The following RPE65 variants were observed in gnomAD, a reference collection of about 807,000 sequenced individuals.
RPE65 encodes retinoid isomerohydrolase.
Under a neutral mutation model 68.5 loss-of-function variants are expected in RPE65, and 58 were observed. That is an observed-to-expected ratio of 0.85 (90% confidence interval 0.69 to 1.05). RPE65 has a LOEUF of 1.05. Among genes scored for constraint, RPE65 ranks in the 50% least tolerant of loss-of-function variants. The pLI is 0.00. For synonymous variants in RPE65, 220 were observed against 222.2 expected, an observed-to-expected ratio of 0.99 and a Z score of 0.09; for missense variants, 643 against 629.9, an observed-to-expected ratio of 1.02 and a Z score of -0.22.
chr1:68,439,176 A>C lies in RPE65; in HGVS notation c.858+15T>G, dbSNP rs775474532. 6.2e-7 allele frequency: 1 copy of C among 1,614,116 alleles called. No homozygotes were observed. Among genetic ancestry groups the C allele is most frequent in the Non-Finnish European group, 8.5e-7 (1 of 1,180,008 alleles). On this transcript the variant is annotated intron_variant, in intron 8 of 13. Coordinates refer to ENST00000262340, the MANE Select transcript of RPE65 (RefSeq NM_000329.3). The stretch of plus-strand genomic sequence containing the variant: ...CTTCAGAATCACAAACTTGACAAAT[A>C]TATCTAAGACTTACCCCCATGGTTT...
Position 68,446,854 on chromosome 1 carries a change from A to G in RPE65, c.101T>C (p.Ile34Thr), listed in dbSNP as rs748456353. The G allele has an allele frequency of 4.3e-6, 7 of 1,613,350 alleles. No homozygotes were observed. In the Admixed American group the frequency reaches 1.0e-4, roughly 23 times the overall value. The stretch of plus-strand genomic sequence containing the variant: ...GAGACTGCCGGTGAGCCAGAGGGGG[A>G]TCCTGCCTGTGATGAAGGGGAGACA... ...SPLTAHVTGRIPLWLTGSLLR... is the reference protein window; with the variant it reads ...SPLTAHVTGRTPLWLTGSLLR... The change falls in exon 3 of 14, where the codon ATC becomes ACC. Residue 34 changes from isoleucine (I) to threonine (T), a missense_variant. Physicochemically the swap from Ile to Thr is moderately conservative, Grantham distance 89. Transcript: ENST00000262340.
At chr1:68,430,134 A>G (rs1645815741) in intron 13 of RPE65, among the ~76,000 whole-genome samples, 1 of 152,186 alleles carries the variant, frequency 6.6e-6, no homozygotes, top group East Asian at 1.9e-4. Context: ...CTACACTGTA[A>G]GCTCTAAGAA....
intron 3 of RPE65, among the ~76,000 whole-genome samples, 183 bp downstream of exon 3, chr1:68,446,527 T>G (rs1333314493): frequency 6.6e-6 from 1 of 152,200 alleles, no homozygotes; most frequent in Non-Finnish European, 1.5e-5. Context: ...AGGCTTTAGC[T>G]TCTCCTTTAT....
chr1:68,447,643 C>T (rs1645951948), intron 2 of RPE65, among the ~76,000 whole-genome samples: 1 of 152,066 alleles, frequency 6.6e-6, no homozygotes, highest in Non-Finnish European at 1.5e-5. Context: ...GGGCGGATCA[C>T]GAGGTCAGGA....
chr1:68,434,115 TACAC>T (rs1226973278), intron 10 of RPE65, among the ~76,000 whole-genome samples: 57 of 99,514 alleles, frequency 5.7e-4, no homozygotes, highest in East Asian at 2.0e-3. Flanking sequence ...TATATATATA[TACAC>T]ACACACACAC....
chr1:68,443,158 T>C (rs1645915373), intron 5 of RPE65, among the ~76,000 whole-genome samples: 1 of 152,336 alleles, frequency 6.6e-6, no homozygotes, highest in Middle Eastern at 3.4e-3. Context: ...TCCAAATGTA[T>C]AGCCAATTAT....
intron 10 of RPE65, among the ~76,000 whole-genome samples, chr1:68,433,768 G>A (rs1645842157): frequency 6.6e-6 from 1 of 152,062 alleles, no homozygotes; most frequent in Admixed American, 6.6e-5. Context: ...GCATGGAGGG[G>A]GTGGAGAGCT....
chr1:68,431,350 G>C lies in RPE65; in HGVS notation c.1270C>G (p.Gln424Glu). The C allele has an allele frequency of 6.2e-7, 1 of 1,613,892 alleles. No homozygotes were observed. Among genetic ancestry groups the C allele is most frequent in the Non-Finnish European group, 8.5e-7 (1 of 1,179,920 alleles). ...GTGTAAGGTTTCCCACAATACTTCT[G>C]GTAATTGATTTGAGGAAACTCAAAT... ...QAFEFPQINY[Q>E]KYCGKPYTYA... Residue 424 changes from glutamine (Q) to glutamate (E), a missense_variant, in exon 12 of 14, where the codon CAG becomes GAG. Coordinates refer to ENST00000262340, the MANE Select transcript of RPE65 (RefSeq NM_000329.3).
rs185585417 is a variant in RPE65 at position 68,435,453 on chromosome 1, T to C, written c.1128+2734A>G. On this transcript the variant is annotated intron_variant, in intron 10 of 13. Transcript: ENST00000262340. ...CAATACCATTAATTATGGGCTTTTC[T>C]TTTGTGTAAAAACCTTCACTGTCTT... Among the ~76,000 whole-genome samples the C allele has an allele frequency of 2.0e-5, 3 of 152,336 alleles. No individual in the cohort carries two copies. The East Asian group carries it at 5.8e-4, about 29-fold the overall frequency.
chr1:68,433,878 A>C (rs1173735092), intron 10 of RPE65, among the ~76,000 whole-genome samples: 1 of 151,998 alleles, frequency 6.6e-6, no homozygotes, highest in Non-Finnish European at 1.5e-5. Context: ...GTAATTATTG[A>C]CTGTAAAGCT....
chr1:68,432,175 T>C (rs1298383914), intron 10 of RPE65, among the ~76,000 whole-genome samples: 1 of 152,074 alleles, frequency 6.6e-6, no homozygotes, highest in African/African-American at 2.4e-5. Context: ...ACATATCTAC[T>C]TATTAATAAT....
At position 68,429,920 on chromosome 1, in the gene RPE65, A is replaced by T. The variant is rs2100805312; in HGVS notation, c.1458T>A (p.Val486=). ...CTCCTGGGCTCACCACCACACTCAG[A>T]ACTACACCTGTTTATCAGAAGTAAA... is the stretch of plus-strand genomic sequence containing the variant. ...PDALEEDDGV[V]LSVVVSPGAG... is the part of the protein sequence containing the mutation. Residue 486 remains valine, a synonymous_variant, in exon 14 of 14, where the codon GTT becomes GTA. Transcript: ENST00000262340. The T allele has an allele frequency of 1.9e-6, 3 of 1,613,754 alleles. No homozygotes were observed. Among genetic ancestry groups the T allele is most frequent in the Non-Finnish European group, 2.5e-6 (3 of 1,179,726 alleles).
chr1:68,436,757 T>G (rs143783952), intron 10 of RPE65, among the ~76,000 whole-genome samples: 3,428 of 152,174 alleles, frequency 0.023, 128 homozygotes, highest in African/African-American at 0.079. Context: ...TGTGAGCCAC[T>G]GCGCCTGGCC....
chr1:68,431,331 G>T lies in RPE65; in HGVS notation c.1289C>A (p.Pro430His), dbSNP rs773589920. The T allele has an allele frequency of 5.0e-6, 8 of 1,613,878 alleles. 1 individual carries two copies. The East Asian group carries it at 1.8e-4, about 36-fold the overall frequency. ...QINYQKYCGK[P>H]YTYAYGLGLN... ...GCCAAGTCCATACGCATATGTGTAA[G>T]GTTTCCCACAATACTTCTGGTAATT... Residue 430 changes from proline to histidine, a missense_variant, in exon 12 of 14, where the codon CCT becomes CAT. Coordinates refer to ENST00000262340, the MANE Select transcript of RPE65 (RefSeq NM_000329.3).
chr1:68,445,754 G>C (rs558268623), intron 3 of RPE65, among the ~76,000 whole-genome samples: 1 of 152,162 alleles, frequency 6.6e-6, no homozygotes, highest in African/African-American at 2.4e-5. Context: ...GACCTCAAGT[G>C]ATCTGGCCGC....
rs538470557 is a variant in RPE65, at chr1:68,429,471, A to G, written c.*305T>C. ...ATAGGTACCTAAAATATGCTCTTAT[A>G]ATAGGAATTAAAAGCCATTTAGTAA... On this transcript the variant is annotated 3_prime_UTR_variant, in exon 14 of 14. Coordinates refer to ENST00000262340, the MANE Select transcript of RPE65 (RefSeq NM_000329.3). 85 of 364,668 alleles carry G rather than the reference A, an allele frequency of 2.3e-4. 2 individuals are homozygous for G. The highest frequency in any genetic ancestry group is 2.1e-3 in the South Asian group (83 of 39,436). 22.6% of individuals were successfully genotyped at this position (364,668 alleles called of 1,614,324 possible).
rs116387471 is a variant in RPE65 at position 68,445,480 on chromosome 1, C to A, written c.246-597G>T. ...TGCCCAGGATTTCTGATATGGAGAG[C>A]CAGTTAAAATCTGATTTTGTACTTT... On this transcript the variant is annotated intron_variant, in intron 3 of 13. Transcript: ENST00000262340. Among the ~76,000 whole-genome samples, 688 of 152,002 alleles carry A rather than the reference C, an allele frequency of 4.5e-3. 5 individuals are homozygous for A. The highest frequency in any genetic ancestry group is 0.016 in the African/African-American group (660 of 41,442).
rs61751282 is a variant in RPE65 at position 68,446,824 on chromosome 1, C to T, written c.131G>A (p.Arg44Gln). 1.4e-5 allele frequency: 23 copies of T among 1,613,952 alleles called. No homozygotes were observed. In the South Asian group the frequency reaches 1.4e-4, roughly 10 times the overall value. The change falls in exon 3 of 14, where the codon CGA becomes CAA. Residue 44 changes from arginine (R) to glutamine (Q), a missense_variant. Physicochemically the swap from Arg to Gln is conservative, Grantham distance 43. Coordinates refer to ENST00000262340, the MANE Select transcript of RPE65 (RefSeq NM_000329.3). ...IPLWLTGSLL[R>Q]CGPGLFEVGS... ...AACTTCAAAGAGTCCTGGCCCACAT[C>T]GAAGGAGACTGCCGGTGAGCCAGAG... is the stretch of plus-strand genomic sequence containing the variant.
intron 2 of RPE65, among the ~76,000 whole-genome samples, chr1:68,447,885 C>CA (rs938853486): frequency 1.3e-4 from 20 of 151,214 alleles, no homozygotes; most frequent in Middle Eastern, 3.4e-3. Flanking sequence ...AAAAAACAAA[C>CA]AAAAAAAACC....
Sources: gnomAD v4.1 joint callset for allele counts (sites outside exome capture counted in the v4.1 genomes callset) on GRCh38, gnomAD v4.1.1 for gene constraint, MANE v1.5 for transcripts, NCBI Gene and HGNC (gene_info 2026-07-23, HGNC 2026-07-21) for gene names.